The following CNTN5 variants were observed in gnomAD, a reference collection of about 807,000 sequenced individuals.
CNTN5 encodes contactin-5.
CNTN5 carries 77 observed loss-of-function variants against 129.1 expected under a neutral mutation model. That is an observed-to-expected ratio of 0.60 (90% CI 0.50 to 0.72). CNTN5 has a LOEUF of 0.72. CNTN5 is among the 30% of genes least tolerant of loss of function. The probability of loss-of-function intolerance (pLI) is 0.00; values close to 1 mark genes in which losing one functional copy is unlikely to be tolerated. For missense variants in CNTN5, 1,478 were observed against 1,328.8 expected (o/e 1.11, Z -1.75); for synonymous variants, 509 against 465.6 (o/e 1.09, Z -1.20).
Position 99,493,226 on chromosome 11 carries a change from T to C in CNTN5, c.-70-62919T>C, listed in dbSNP as rs998338680. ...TGAAATAGTTAAGTTTGTTTCTTTCTTTTTGAAGACAAAATCGCCTAAAGA... is the reference window on the plus strand; with the variant it reads ...TGAAATAGTTAAGTTTGTTTCTTTCCTTTTGAAGACAAAATCGCCTAAAGA... On this transcript the variant is annotated intron_variant, in intron 2 of 24. Coordinates refer to ENST00000524871, the MANE Select transcript of CNTN5 (RefSeq NM_014361.4). Among the ~76,000 whole-genome samples the C allele has an allele frequency of 3.9e-5, 6 of 152,368 alleles. No homozygotes were observed. The South Asian group carries it at 1.2e-3, about 32-fold the overall frequency.
At chr11:99,613,229 T>C (rs1410590294) in intron 3 of CNTN5, among the ~76,000 whole-genome samples, 1 of 152,202 alleles carries the variant, frequency 6.6e-6, no homozygotes, top group Non-Finnish European at 1.5e-5. Flanking sequence ...GTGGAGGTAG[T>C]TAAATCATGG....
At chr11:100,291,789 A>G (rs1194316625) in intron 18 of CNTN5, among the ~76,000 whole-genome samples, 1 of 52,372 alleles carries the variant, frequency 1.9e-5, no homozygotes, top group Non-Finnish European at 6.8e-5. Context: ...AAATAAATAA[A>G]AAATATAAAT....
chr11:100,014,636 C>T (rs970445358), intron 9 of CNTN5, among the ~76,000 whole-genome samples: 5 of 152,186 alleles, frequency 3.3e-5, no homozygotes, highest in African/African-American at 1.2e-4. Flanking sequence ...ATTGATGCTT[C>T]ATTAGCTTTG....
At chr11:99,894,885 G>T (rs1176934646) in intron 6 of CNTN5, among the ~76,000 whole-genome samples, 2 of 152,102 alleles carry the variant, frequency 1.3e-5, no homozygotes, top group Non-Finnish European at 2.9e-5. Flanking sequence ...AAAAACATAG[G>T]AAGACATATT....
At chr11:99,881,951 A>G (rs1266248907) in intron 6 of CNTN5, among the ~76,000 whole-genome samples, 1 of 152,222 alleles carries the variant, frequency 6.6e-6, no homozygotes, top group Non-Finnish European at 1.5e-5. Flanking sequence ...GATCAAATAT[A>G]GCACTGAATT....
intron 13 of CNTN5, among the ~76,000 whole-genome samples, chr11:100,172,484 A>G (rs1164858546): frequency 6.6e-6 from 1 of 152,092 alleles, no homozygotes; most frequent in African/African-American, 2.4e-5. Flanking sequence ...GACTAGAAGT[A>G]TAAGAGGACA....
At chr11:99,123,540 A>C (rs1858463733) in intron 1 of CNTN5, among the ~76,000 whole-genome samples, 1 of 151,664 alleles carries the variant, frequency 6.6e-6, no homozygotes, top group African/African-American at 2.4e-5. Flanking sequence ...CTTTAGTTTA[A>C]TTAGGTAATA....
At chr11:100,183,577 G>C (rs139476722) in intron 13 of CNTN5, among the ~76,000 whole-genome samples, 7 of 152,154 alleles carry the variant, frequency 4.6e-5, no homozygotes, top group Admixed American at 4.6e-4. Context: ...CTAACTTATC[G>C]TGATGGGAAA....
At chr11:100,220,137 C>T (rs1183879476) in intron 15 of CNTN5, among the ~76,000 whole-genome samples, 17 of 151,926 alleles carry the variant, frequency 1.1e-4, no homozygotes, top group Admixed American at 1.0e-3. Flanking sequence ...ATTAGCCGGG[C>T]GTGGTGGCAG....
chr11:99,792,573 G>GTGTGTGTGTC (rs34622017), intron 3 of CNTN5, among the ~76,000 whole-genome samples: 9,558 of 116,400 alleles, frequency 0.082, 393 homozygotes, highest in Admixed American at 0.13. Flanking sequence ...GTGTGTGTGT[G>GTGTGTGTGTC]TGTCTGTCTG....
At chr11:100,340,997 CT>C in intron 22 of CNTN5, 95 bp from the exon 23 acceptor site, 1 of 940,354 alleles carries the variant, frequency 1.1e-6, no homozygotes, top group Non-Finnish European at 1.7e-6. Context: ...CAGCCAACTA[CT>C]AAGCAGGAGA....
intron 1 of CNTN5, among the ~76,000 whole-genome samples, chr11:99,214,143 T>C (rs1289717562): frequency 6.6e-6 from 1 of 151,950 alleles, no homozygotes; most frequent in African/African-American, 2.4e-5. Flanking sequence ...AAGAAAGGCT[T>C]CCCAGGGGAA....
intron 6 of CNTN5, among the ~76,000 whole-genome samples, chr11:99,890,510 CAT>C (rs962937529): frequency 1.3e-5 from 2 of 151,586 alleles, no homozygotes; most frequent in African/African-American, 2.4e-5. Flanking sequence ...AGTCTATATA[CAT>C]ATATGACTGA....
intron 3 of CNTN5, among the ~76,000 whole-genome samples, chr11:99,706,599 A>G (rs757410557): frequency 7.3e-5 from 11 of 151,210 alleles, no homozygotes; most frequent in Admixed American, 2.6e-4. Context: ...TAAAATTCCC[A>G]TTTTCTAAAT....
At chr11:99,700,794 C>A (rs1337424301) in intron 3 of CNTN5, among the ~76,000 whole-genome samples, 1 of 151,232 alleles carries the variant, frequency 6.6e-6, no homozygotes. Context: ...TCATACAATG[C>A]ATGGAAGCAG....
intron 2 of CNTN5, 66 bp from the exon 3 acceptor site, chr11:99,556,079 G>T: frequency 2.1e-6 from 1 of 466,056 alleles, no homozygotes. Flanking sequence ...GCATTGGTTT[G>T]TATTTGTTGG....
At chr11:100,261,012 G>A (rs1950184094) in intron 17 of CNTN5, among the ~76,000 whole-genome samples, 2 of 152,128 alleles carry the variant, frequency 1.3e-5, no homozygotes, top group Non-Finnish European at 2.9e-5. Context: ...AATTGTCTCT[G>A]TTTGCACATG....
At chr11:100,310,595 A>C (rs1226837282) in intron 21 of CNTN5, among the ~76,000 whole-genome samples, 2 of 151,992 alleles carry the variant, frequency 1.3e-5, no homozygotes, top group Non-Finnish European at 2.9e-5. Flanking sequence ...GGGAAGGCAC[A>C]CAATCAACAA....
At chr11:99,702,995 T>A (rs1015704302) in intron 3 of CNTN5, among the ~76,000 whole-genome samples, 4 of 150,878 alleles carry the variant, frequency 2.7e-5, no homozygotes, top group African/African-American at 9.7e-5. Flanking sequence ...ACTGAGGGAA[T>A]GTATAAACGT....
Sources: gnomAD v4.1 joint callset for allele counts (sites outside exome capture counted in the v4.1 genomes callset) on GRCh38, gnomAD v4.1.1 for gene constraint, MANE v1.5 for transcripts, NCBI Gene and HGNC (gene_info 2026-07-23, HGNC 2026-07-21) for gene names.